Variants in PCDHGA1 observed in about 807,000 individuals in gnomAD.
PCDHGA1 encodes the protein protocadherin gamma-A1.
In PCDHGA1, 32 loss-of-function variants were observed where a neutral mutation model predicts 58.0. That is an observed-to-expected ratio of 0.55 (90% CI 0.42 to 0.74). The LOEUF is 0.74. Among genes scored for constraint, PCDHGA1 ranks in the 30% least tolerant of loss-of-function variants. PCDHGA1 has a pLI of 0.00. For missense variants in PCDHGA1, 1,205 were observed against 1,182.3 expected (o/e 1.02, Z -0.28); for synonymous variants, 498 against 501.1 (o/e 0.99, Z 0.08).
chr5:141,393,792 C>T, intron 1 of PCDHGA1: 1 of 1,613,908 alleles, frequency 6.2e-7, no homozygotes, highest in Non-Finnish European at 8.5e-7. Context: ...TGTGGGGGCA[C>T]TTCTGGGGAG....
chr5:141,440,793 C>T (rs1448130354), intron 1 of PCDHGA1: 1 of 152,124 alleles, frequency 6.6e-6, no homozygotes, highest in Non-Finnish European at 1.5e-5. Context: ...TAGACGGCCC[C>T]CCAACAAAGC....
At chr5:141,354,016 T>C (rs148362038) in intron 1 of PCDHGA1, among the ~76,000 whole-genome samples, 45 of 152,350 alleles carry the variant, frequency 3.0e-4, no homozygotes, top group African/African-American at 1.1e-3. Context: ...TTACTGTAAG[T>C]ATTCATAAGA....
rs1460175237 is a variant in PCDHGA1, at chr5:141,485,185, G to A, written c.2422-9622G>A. ...AGCGGGCGGCAGCAATGCTCCGCAAGGTGAGAAGCTGGACAGAAATCTGGC... is the reference window on the plus strand; with the variant it reads ...AGCGGGCGGCAGCAATGCTCCGCAAAGTGAGAAGCTGGACAGAAATCTGGC... On this transcript the variant is annotated intron_variant, in intron 1 of 3. Transcript: ENST00000517417. This position sits in a 1 kb window ranked among gnomAD's most constrained non-coding sequence, Gnocchi z 5.7. 3.1e-6 allele frequency: 5 copies of A among 1,613,528 alleles called. No individual in the cohort carries two copies. Among genetic ancestry groups the A allele is most frequent in the African/African-American group, 2.7e-5 (2 of 75,052 alleles).
chr5:141,415,648 A>G (rs1403877896), intron 1 of PCDHGA1: 1 of 1,598,772 alleles, frequency 6.3e-7, no homozygotes, highest in African/African-American at 1.4e-5. Flanking sequence ...TGTTAAAAAA[A>G]AAAAGATTGG....
chr5:141,385,348 C>T, intron 1 of PCDHGA1: 1 of 1,557,574 alleles, frequency 6.4e-7, no homozygotes. Context: ...TCCTTTATTT[C>T]CATGAGGAAT....
intron 1 of PCDHGA1, among the ~76,000 whole-genome samples, chr5:141,446,739 T>A (rs1292920572): frequency 2.6e-5 from 4 of 152,180 alleles, no homozygotes; most frequent in African/African-American, 7.2e-5. Flanking sequence ...AGTGTGGGGA[T>A]TACAGGCGTG....
intron 1 of PCDHGA1, chr5:141,371,032 C>G (rs547337082): frequency 6.2e-7 from 1 of 1,614,002 alleles, no homozygotes; most frequent in South Asian, 1.1e-5. Context: ...CTGGTCCTCA[C>G]AGCTGTGGAT....
chr5:141,367,752 C>G (rs1039897453), intron 1 of PCDHGA1: 1 of 152,068 alleles, frequency 6.6e-6, no homozygotes, highest in African/African-American at 2.4e-5. Context: ...GAGTTACATA[C>G]TGCTGCACTC....
chr5:141,464,515 A>C (rs969421973), intron 1 of PCDHGA1, among the ~76,000 whole-genome samples: 4 of 152,028 alleles, frequency 2.6e-5, no homozygotes, highest in Non-Finnish European at 4.4e-5. Flanking sequence ...CATAAGGTAA[A>C]GGCATATGTA....
Position 141,344,473 on chromosome 5 carries a change from T to C in PCDHGA1, c.2421+11368T>C. The C allele has an allele frequency of 6.2e-7, 1 of 1,613,960 alleles. No homozygotes were observed. The highest frequency in any genetic ancestry group is 8.5e-7 in the Non-Finnish European group (1 of 1,179,860). ...GAAATAAAAATTGGTGAACTAACGGTTCCTGGAACCCGATTTCCAATTAAA... is the reference window on the plus strand; with the variant it reads ...GAAATAAAAATTGGTGAACTAACGGCTCCTGGAACCCGATTTCCAATTAAA... On this transcript the variant is annotated intron_variant, in intron 1 of 3. Transcript: ENST00000517417.
At chr5:141,415,177 G>A (rs758980730) in intron 1 of PCDHGA1, 26 of 1,613,808 alleles carry the variant, frequency 1.6e-5, no homozygotes, top group East Asian at 4.5e-5. Flanking sequence ...CACCGTGGCC[G>A]TGGCCGACAG....
chr5:141,430,509 G>T, intron 1 of PCDHGA1: 1 of 328,564 alleles, frequency 3.0e-6, no homozygotes. Flanking sequence ...GGGAGTTCAA[G>T]ATTGTGCAGT....
intron 1 of PCDHGA1, chr5:141,418,422 G>T: frequency 6.2e-7 from 1 of 1,613,996 alleles, no homozygotes; most frequent in Non-Finnish European, 8.5e-7. Context: ...AATCCTGATG[G>T]TGGCAAATAT....
At chr5:141,500,355 C>G (rs539892249) in intron 2 of PCDHGA1, among the ~76,000 whole-genome samples, 2 of 151,912 alleles carry the variant, frequency 1.3e-5, no homozygotes, top group Non-Finnish European at 2.9e-5. Flanking sequence ...ACTACAGGCG[C>G]CCACTACCAC....
chr5:141,464,530 T>C (rs375523203), intron 1 of PCDHGA1, among the ~76,000 whole-genome samples: 1 of 152,108 alleles, frequency 6.6e-6, no homozygotes, highest in African/African-American at 2.4e-5. Flanking sequence ...TATGTAGTTT[T>C]GTTAAATATA....
At chr5:141,361,689 C>A (rs752885909) in intron 1 of PCDHGA1, 20 of 1,613,502 alleles carry the variant, frequency 1.2e-5, no homozygotes, top group Non-Finnish European at 1.7e-5. Flanking sequence ...TCGCGCAGCG[C>A]GCCTTCGATC....
intron 1 of PCDHGA1, chr5:141,418,790 G>A (rs1434374059): frequency 2.5e-6 from 4 of 1,613,758 alleles, no homozygotes; most frequent in Admixed American, 3.3e-5. Flanking sequence ...GGATTTTGAA[G>A]AAGTAGAAAG....
At chr5:141,342,054 C>T (rs1212340435) in intron 1 of PCDHGA1, 1 of 152,590 alleles carries the variant, frequency 6.6e-6, no homozygotes, top group Non-Finnish European at 1.5e-5. Context: ...GAAGAAGTGA[C>T]TGACTTATCA....
At chr5:141,450,815 A>ATTAT (rs1554136868) in intron 1 of PCDHGA1, among the ~76,000 whole-genome samples, 98 of 126,742 alleles carry the variant, frequency 7.7e-4, no homozygotes, top group African/African-American at 3.1e-3. Flanking sequence ...TATTTATTTA[A>ATTAT]TATTATTATT....
Sources: gnomAD v4.1 joint callset for allele counts (sites outside exome capture counted in the v4.1 genomes callset) on GRCh38, gnomAD v4.1.1 for gene constraint, Gnocchi (gnomAD v3.1) non-coding constraint, MANE v1.5 for transcripts, NCBI Gene and HGNC (gene_info 2026-07-23, HGNC 2026-07-21) for gene names.